The following HTR1F variants were observed in gnomAD, a reference collection of about 807,000 sequenced individuals.
The protein encoded by HTR1F is 5-hydroxytryptamine receptor 1F, also known as 5-hydroxytryptamine (serotonin) receptor 1F, G protein-coupled.
In HTR1F, 17 loss-of-function variants were observed where a neutral mutation model predicts 24.0. That is an observed-to-expected ratio of 0.71 (90% CI 0.48 to 1.06). The LOEUF (loss-of-function observed/expected upper bound fraction) is 1.06. Ranked by LOEUF, HTR1F falls within the 50% of genes least tolerant of loss-of-function variation. The pLI is 0.00. For synonymous variants in HTR1F, 186 were observed against 156.8 expected (o/e 1.19, Z -1.39); for missense variants, 391 against 427.8 (o/e 0.91, Z 0.76).
chr3:87,798,741 C>A (rs1473539566), intron 1 of HTR1F, among the ~76,000 whole-genome samples: 1 of 152,164 alleles, frequency 6.6e-6, no homozygotes, highest in Non-Finnish European at 1.5e-5. Flanking sequence ...AGCTACTGAT[C>A]ACTGAAAACT....
intron 2 of HTR1F, among the ~76,000 whole-genome samples, chr3:87,963,558 C>A (rs1302408524): frequency 6.6e-6 from 1 of 152,126 alleles, no homozygotes; most frequent in Non-Finnish European, 1.5e-5. Flanking sequence ...TAACTATCCT[C>A]TCTCCTCCAA....
chr3:87,957,431 T>C (rs932810088), intron 2 of HTR1F, among the ~76,000 whole-genome samples: 3 of 151,302 alleles, frequency 2.0e-5, no homozygotes, highest in Admixed American at 1.3e-4. Context: ...TTTTTGTGTC[T>C]TTCTCTGGTT....
At chr3:87,829,335 C>T (rs955543076) in intron 2 of HTR1F, among the ~76,000 whole-genome samples, 1 of 152,074 alleles carries the variant, frequency 6.6e-6, no homozygotes, top group Non-Finnish European at 1.5e-5. Context: ...TAATATTGTA[C>T]ATTTGTATGT....
At chr3:87,925,474 C>T (rs1161910576) in intron 2 of HTR1F, among the ~76,000 whole-genome samples, 1 of 152,102 alleles carries the variant, frequency 6.6e-6, no homozygotes, top group Admixed American at 6.6e-5. Flanking sequence ...CACATTTGTA[C>T]CACTGATCTA....
intron 2 of HTR1F, among the ~76,000 whole-genome samples, chr3:87,926,651 G>C (rs1471652161): frequency 6.6e-6 from 1 of 152,006 alleles, no homozygotes; most frequent in Non-Finnish European, 1.5e-5. Context: ...CCCTCATATA[G>C]TGTATACTGA....
At chr3:87,928,032 A>G (rs1704169287) in intron 2 of HTR1F, among the ~76,000 whole-genome samples, 1 of 149,360 alleles carries the variant, frequency 6.7e-6, no homozygotes, top group Non-Finnish European at 1.5e-5. Context: ...TAATATCAAT[A>G]GTTCAATATC....
chr3:87,832,328 T>G, intron 2 of HTR1F, among the ~76,000 whole-genome samples: 1 of 145,170 alleles, frequency 6.9e-6, no homozygotes, highest in Admixed American at 7.0e-5. Flanking sequence ...TTTTTTTTTT[T>G]TTTTTTTCTT....
At chr3:87,880,670 G>A (rs2107279313) in intron 2 of HTR1F, among the ~76,000 whole-genome samples, 1 of 151,990 alleles carries the variant, frequency 6.6e-6, no homozygotes, top group African/African-American at 2.4e-5. Context: ...GTGTGTGTGT[G>A]TGTGTGTATT....
chr3:87,903,418 C>G (rs1362483977), intron 2 of HTR1F, among the ~76,000 whole-genome samples: 2 of 151,992 alleles, frequency 1.3e-5, no homozygotes, highest in African/African-American at 4.8e-5. Context: ...TGAACTCAAA[C>G]AAAGTTACAG....
chr3:87,977,008 T>TA (rs752834352), intron 2 of HTR1F, among the ~76,000 whole-genome samples: 26 of 152,310 alleles, frequency 1.7e-4, no homozygotes, highest in East Asian at 1.4e-3. Context: ...GCTAACATAT[T>TA]ACCTGTTTTT....
chr3:87,937,080 A>AC (rs201951343), intron 2 of HTR1F, among the ~76,000 whole-genome samples: 6 of 116,790 alleles, frequency 5.1e-5, no homozygotes, highest in Non-Finnish European at 3.6e-5. Flanking sequence ...TGTTGAAACT[A>AC]CCCAAAAAAA....
intron 2 of HTR1F, among the ~76,000 whole-genome samples, chr3:87,918,888 A>G (rs748447893): frequency 6.6e-6 from 1 of 152,146 alleles, no homozygotes; most frequent in Non-Finnish European, 1.5e-5. Flanking sequence ...TAAAATTCAT[A>G]TGGAACCAAC....
At chr3:87,952,624 C>A (rs1704858524) in intron 2 of HTR1F, among the ~76,000 whole-genome samples, 1 of 152,000 alleles carries the variant, frequency 6.6e-6, no homozygotes, top group Admixed American at 6.6e-5. Context: ...AAACCTGTTT[C>A]TCAAATTGTT....
chr3:87,926,093 T>TG (rs1338115320), intron 2 of HTR1F, among the ~76,000 whole-genome samples: 3 of 152,220 alleles, frequency 2.0e-5, no homozygotes, highest in African/African-American at 7.2e-5. Context: ...TAGGCTTAAA[T>TG]CAATCTTTTT....
chr3:87,851,039 T>G (rs1705074853), intron 2 of HTR1F, among the ~76,000 whole-genome samples: 1 of 151,654 alleles, frequency 6.6e-6, no homozygotes, highest in South Asian at 2.1e-4. Flanking sequence ...AAATGCAGAG[T>G]TAACCATTGC....
rs968590620 is a variant in HTR1F at position 87,796,370 on chromosome 3, T to C, written c.-160+3528T>C. 5.9e-5 allele frequency among the ~76,000 whole-genome samples: 9 copies of C among 152,116 alleles called. No homozygotes were observed. The South Asian group carries it at 1.5e-3, about 25-fold the overall frequency. On this transcript the variant is annotated intron_variant, in intron 1 of 2. Coordinates refer to ENST00000319595, the MANE Select transcript of HTR1F (RefSeq NM_001322209.2). ...TACATTTTGAGCAGCTTACTAGATATCTAGGTGCAGGCATAACGGGTAGAT... is the reference window on the plus strand; with the variant it reads ...TACATTTTGAGCAGCTTACTAGATACCTAGGTGCAGGCATAACGGGTAGAT...
In HTR1F at chr3:87,950,809, A is replaced by T. The variant is rs545990600; in HGVS notation, c.-42-39899A>T. 2.5e-4 allele frequency among the ~76,000 whole-genome samples: 38 copies of T among 152,292 alleles called. No homozygotes were observed. In the South Asian group the frequency reaches 7.9e-3, roughly 32 times the overall value. ...TTGTCAATTCATTGGTGGAAATGTC[A>T]TTACTGGTCAAGTGTTCTTTAAGAA... On this transcript the variant is annotated intron_variant, in intron 2 of 2. Coordinates refer to ENST00000319595, the MANE Select transcript of HTR1F (RefSeq NM_001322209.2).
intron 2 of HTR1F, among the ~76,000 whole-genome samples, chr3:87,958,337 C>A (rs1704989057): frequency 1.3e-5 from 2 of 151,244 alleles, no homozygotes; most frequent in African/African-American, 2.4e-5. Flanking sequence ...ATTTTCTGGT[C>A]TAATTGTTCC....
In HTR1F at chr3:87,913,713, A is replaced by G. The variant is rs540580464; in HGVS notation, c.-42-76995A>G. Among the ~76,000 whole-genome samples, 4 of 152,348 alleles carry G rather than the reference A, an allele frequency of 2.6e-5. No homozygotes were observed. The East Asian group carries it at 7.7e-4, about 29-fold the overall frequency. ...CCATCAATGGCAGATTGGGTAAAAT[A>G]AATGTGGTACAATAAATACACCATG... On this transcript the variant is annotated intron_variant, in intron 2 of 2. Coordinates refer to ENST00000319595, the MANE Select transcript of HTR1F (RefSeq NM_001322209.2).
Sources: allele counts gnomAD v4.1 joint callset (sites outside exome capture counted in the v4.1 genomes callset), GRCh38; gene constraint gnomAD v4.1.1; transcripts MANE v1.5; gene names NCBI Gene and HGNC (gene_info 2026-07-23, HGNC 2026-07-21).